PTPN22: variants seen among roughly 807,000 people sequenced by gnomAD.
PTPN22 encodes the protein tyrosine-protein phosphatase non-receptor type 22.
Under a neutral mutation model 103.3 loss-of-function variants are expected in PTPN22, and 85 were observed. The ratio of observed to expected loss-of-function variants is 0.82; its 90% CI spans 0.69 to 0.99. PTPN22 has a LOEUF of 0.99. Ranked by LOEUF, PTPN22 falls within the 50% of genes least tolerant of loss-of-function variation. The pLI is 0.00. For synonymous variants in PTPN22, 323 were observed against 310.2 expected, an observed-to-expected ratio of 1.04 and a Z score of -0.43; for missense variants, 865 against 936.9, an observed-to-expected ratio of 0.92 and a Z score of 1.00.
intron 7 of PTPN22, among the ~76,000 whole-genome samples, chr1:113,855,503 CAAAAAA>C (rs58516952): frequency 3.6e-5 from 3 of 84,440 alleles, no homozygotes; most frequent in African/African-American, 4.9e-5. Context: ...GACTCTGTCT[CAAAAAA>C]AAAAAAAAAA....
chr1:113,838,691 G>C, intron 11 of PTPN22, 71 bp from the exon 12 acceptor site: 1 of 1,523,936 alleles, frequency 6.6e-7, no homozygotes, highest in Non-Finnish European at 8.8e-7. Flanking sequence ...ATATTTAGAA[G>C]GCTGAAAAGT....
chr1:113,846,679 G>A (rs1490617477), intron 11 of PTPN22, among the ~76,000 whole-genome samples: 1 of 152,010 alleles, frequency 6.6e-6, no homozygotes, highest in Non-Finnish European at 1.5e-5. Context: ...CTTCATCTGA[G>A]AATGTCTTGA....
exon 10 of PTPN22, chr1:113,852,058 C>T (rs1194741881): frequency 3.1e-6 from 5 of 1,611,326 alleles, no homozygotes; most frequent in East Asian, 2.2e-5. Context: ...CCTCTGTGTC[C>T]GCATTTCCCG....
At chr1:113,869,048 C>T (rs538442676) in intron 1 of PTPN22, among the ~76,000 whole-genome samples, 12 of 152,036 alleles carry the variant, frequency 7.9e-5, no homozygotes, top group Non-Finnish European at 1.6e-4. Context: ...GGAACCTTGT[C>T]TCTACTAAAA....
At chr1:113,847,599 AAC>A (rs1413087019) in intron 11 of PTPN22, among the ~76,000 whole-genome samples, 1 of 143,084 alleles carries the variant, frequency 7.0e-6, no homozygotes, top group Admixed American at 7.0e-5. Context: ...TTTTTTTTTT[AAC>A]AGAGTGTTGC....
intron 18 of PTPN22, among the ~76,000 whole-genome samples, chr1:113,827,902 C>T (rs1470074989): frequency 1.3e-5 from 2 of 152,162 alleles, no homozygotes; most frequent in African/African-American, 4.8e-5. Flanking sequence ...CCCATAGCCT[C>T]CCTAACAGAG....
chr1:113,840,553 A>G (rs1433509038), intron 11 of PTPN22, among the ~76,000 whole-genome samples: 1 of 152,254 alleles, frequency 6.6e-6, no homozygotes, highest in East Asian at 1.9e-4. Flanking sequence ...AAATAAATAG[A>G]CATTCAAAGT....
chr1:113,868,494 C>T (rs1666303947), intron 1 of PTPN22, among the ~76,000 whole-genome samples: 1 of 152,152 alleles, frequency 6.6e-6, no homozygotes, highest in African/African-American at 2.4e-5. Flanking sequence ...TAGCCTCATT[C>T]ACTACTCCTC....
chr1:113,847,236 C>CTA (rs1199938566), intron 11 of PTPN22, among the ~76,000 whole-genome samples: 2 of 101,446 alleles, frequency 2.0e-5, no homozygotes, highest in African/African-American at 7.4e-5. Context: ...TGCTGAGACT[C>CTA]TTTTTTTTTT....
At chr1:113,858,515 A>G in exon 4 of PTPN22, 2 of 1,606,840 alleles carry the variant, frequency 1.2e-6, no homozygotes, top group Non-Finnish European at 1.7e-6. Context: ...CCAGAAGTCC[A>G]GGAGGGTTGT....
chr1:113,857,095 C>A (rs1665149700), intron 5 of PTPN22, among the ~76,000 whole-genome samples: 1 of 151,980 alleles, frequency 6.6e-6, no homozygotes, highest in Admixed American at 6.5e-5. Flanking sequence ...CATATCTTAG[C>A]CCAATATATC....
intron 6 of PTPN22, 30 bp from the exon 7 acceptor site, chr1:113,856,471 G>T (rs1163236416): frequency 6.2e-7 from 1 of 1,612,550 alleles, no homozygotes; most frequent in South Asian, 1.1e-5. Flanking sequence ...TCAAGTATTA[G>T]TGATTGCAAA....
chr1:113,838,489 G>C, intron 12 of PTPN22, 55 bp downstream of exon 12: 1 of 1,603,078 alleles, frequency 6.2e-7, no homozygotes, highest in Non-Finnish European at 8.5e-7. Context: ...ATAAGCATGA[G>C]ATTCATCTCC....
chr1:113,864,112 A>T (rs1665897054), intron 1 of PTPN22: 1 of 362,340 alleles, frequency 2.8e-6, no homozygotes, highest in African/African-American at 2.2e-5. Flanking sequence ...ACTCCATCTC[A>T]AAACAGACAA....
intron 11 of PTPN22, among the ~76,000 whole-genome samples, chr1:113,848,143 G>A (rs1664256641): frequency 6.6e-6 from 1 of 152,026 alleles, no homozygotes; most frequent in South Asian, 2.1e-4. Flanking sequence ...CCACCTCCCA[G>A]GTTCAAGCAA....
At position 113,825,256 on chromosome 1, in the gene PTPN22, A is replaced by G. The variant is rs1352259120; in HGVS notation, c.2251-84T>C. The G allele has an allele frequency of 6.7e-6, 6 of 898,202 alleles. No homozygotes were observed. In the Admixed American group the frequency reaches 1.9e-4, roughly 28 times the overall value. 55.6% of individuals were successfully genotyped at this position (898,202 alleles called of 1,614,324 possible). A position where few individuals can be genotyped will look rare whatever the true frequency, so the allele number is the denominator to read the frequency against. On this transcript the variant is annotated intron_variant, in intron 18 of 20. Transcript: ENST00000359785. ...CAAATAGAAATATAGACTTAAGTGA[A>G]AAGAATTTAATTTCCTTAAAAATAG...
intron 20 of PTPN22, among the ~76,000 whole-genome samples, chr1:113,817,739 CT>C (rs1279474989): frequency 2.6e-5 from 4 of 151,818 alleles, no homozygotes; most frequent in Admixed American, 6.6e-5. Context: ...GAAAATGCTG[CT>C]TTTTAAGTAG....
chr1:113,871,517 G>A lies in PTPN22; in HGVS notation c.87+20C>T. On this transcript the variant is annotated intron_variant, in intron 1 of 20. Coordinates refer to ENST00000359785, the Ensembl canonical transcript of PTPN22. ...AATAGTGTATGTAACTACCCTGAGA[G>A]GGTCACATACAGGACTCACCAGAAA... The A allele has an allele frequency of 6.2e-7, 1 of 1,600,926 alleles. No individual in the cohort carries two copies. The highest frequency in any genetic ancestry group is 8.6e-7 in the Non-Finnish European group (1 of 1,168,144).
chr1:113,817,045 G>C (rs554088944), intron 20 of PTPN22, among the ~76,000 whole-genome samples: 5 of 152,238 alleles, frequency 3.3e-5, no homozygotes, highest in Admixed American at 6.5e-5. Context: ...AAAAAAATTG[G>C]TGGAGGGGAC....
Sources: gnomAD v4.1 joint callset for allele counts (sites outside exome capture counted in the v4.1 genomes callset) on GRCh38, gnomAD v4.1.1 for gene constraint, MANE v1.5 for transcripts, NCBI Gene and HGNC (gene_info 2026-07-23, HGNC 2026-07-21) for gene names.